The following LRRK2 variants were observed in gnomAD, a reference collection of about 807,000 sequenced individuals.
The protein encoded by LRRK2 is leucine-rich repeat serine/threonine-protein kinase 2.
In LRRK2, 203 loss-of-function variants were observed where a neutral mutation model predicts 302.6. That is an observed-to-expected ratio of 0.67 (90% CI 0.60 to 0.75). The LOEUF (loss-of-function observed/expected upper bound fraction) is 0.75, where lower values mean the gene tolerates loss of function less well. LRRK2 is among the 30% of genes least tolerant of loss of function. LRRK2 has a pLI of 0.00. For synonymous variants in LRRK2, 1,066 were observed against 1,031.9 expected (o/e 1.03, Z -0.63); for missense variants, 2,830 against 2,951.0 (o/e 0.96, Z 0.95).
chr12:40,337,558 A>T (rs2136946068), intron 40 of LRRK2, among the ~76,000 whole-genome samples: 1 of 152,256 alleles, frequency 6.6e-6, no homozygotes, highest in African/African-American at 2.4e-5. Flanking sequence ...CCCGAAAGCA[A>T]GTATGCATTT....
intron 5 of LRRK2, among the ~76,000 whole-genome samples, chr12:40,239,534 A>G (rs1941631257): frequency 6.6e-6 from 1 of 152,174 alleles, no homozygotes; most frequent in Non-Finnish European, 1.5e-5. Context: ...ATAGAATGTT[A>G]CAAAGAAGAA....
chr12:40,314,565 G>T (rs1016949731), intron 32 of LRRK2, among the ~76,000 whole-genome samples: 7 of 152,060 alleles, frequency 4.6e-5, no homozygotes, highest in Admixed American at 1.3e-4. Context: ...TGTTGGCATG[G>T]TCTAACTGGG....
At chr12:40,353,191 C>A (rs189538849) in intron 44 of LRRK2, among the ~76,000 whole-genome samples, 1 of 147,510 alleles carries the variant, frequency 6.8e-6, no homozygotes, top group South Asian at 2.2e-4. Context: ...TCCGACGGGG[C>A]GGCTGCTGGG....
chr12:40,347,017 C>A, intron 42 of LRRK2, 94 bp downstream of exon 42: 1 of 961,548 alleles, frequency 1.0e-6, no homozygotes, highest in Non-Finnish European at 1.5e-6. Context: ...ATTCCTTAAA[C>A]AGATGATCAT....
chr12:40,347,966 A>G (rs1251114482), intron 42 of LRRK2, among the ~76,000 whole-genome samples: 1 of 151,462 alleles, frequency 6.6e-6, no homozygotes, highest in Non-Finnish European at 1.5e-5. Context: ...TAAAAAAAAA[A>G]ATTCAGTTCT....
intron 3 of LRRK2, among the ~76,000 whole-genome samples, chr12:40,233,522 G>A (rs1464866803): frequency 6.6e-6 from 1 of 152,156 alleles, no homozygotes; most frequent in Non-Finnish European, 1.5e-5. Flanking sequence ...CATAAAGGGT[G>A]TGTTTTGGAA....
intron 22 of LRRK2, 125 bp downstream of exon 22, chr12:40,295,039 A>T: frequency 1.6e-6 from 1 of 637,286 alleles, no homozygotes; most frequent in East Asian, 2.7e-5. Context: ...CTTCATATAT[A>T]TTTACCTAAT....
At chr12:40,343,721 CA>C in intron 41 of LRRK2, among the ~76,000 whole-genome samples, 1 of 151,878 alleles carries the variant, frequency 6.6e-6, no homozygotes, top group Admixed American at 6.6e-5. Flanking sequence ...GATAATTATC[CA>C]AGGGGAAATT....
chr12:40,315,312 T>C lies in LRRK2; in HGVS notation c.4827+12T>C. The stretch of plus-strand genomic sequence containing the variant: ...AAATCATGGCACAGGTTGGTGTCTT[T>C]TATTTTTGTGGCACGGGGGTTATGG... On this transcript the variant is annotated intron_variant, in intron 33 of 50. Coordinates refer to ENST00000298910, the MANE Select transcript of LRRK2 (RefSeq NM_198578.4). 6.2e-7 allele frequency: 1 copy of C among 1,605,202 alleles called. No homozygotes were observed.
At chr12:40,252,814 C>G in intron 10 of LRRK2, 96 bp from the exon 11 acceptor site, 1 of 811,322 alleles carries the variant, frequency 1.2e-6, no homozygotes, top group East Asian at 2.6e-5. Context: ...TTTATATGCT[C>G]TTAATTGTTG....
chr12:40,237,704 T>C (rs1487832951), intron 4 of LRRK2, among the ~76,000 whole-genome samples: 2 of 152,178 alleles, frequency 1.3e-5, no homozygotes, highest in Admixed American at 1.3e-4. Flanking sequence ...GCAAGTTGTC[T>C]AGGCTAGAAG....
chr12:40,315,265 G>A lies in LRRK2; in HGVS notation c.4792G>A (p.Val1598Met), dbSNP rs1945176962. 3.7e-6 allele frequency: 6 copies of A among 1,612,722 alleles called. No homozygotes were observed. Among genetic ancestry groups the A allele is most frequent in the Non-Finnish European group, 5.1e-6 (6 of 1,178,946 alleles). Residue 1598 changes from valine (V) to methionine (M), a missense_variant, in exon 33 of 51, where the codon GTG becomes ATG. This residue lies in a region of LRRK2 where 2,121 missense variants were observed against 2,148.0 expected (regional missense o/e 0.99). Transcript: ENST00000298910. ...PALQLSDLYF[V>M]EPKWLCKIMA... ...ACTGCAGTTAAGTGACTTGTACTTT[G>A]TGGAACCCAAGTGGCTTTGTAAAAT...
intron 21 of LRRK2, 48 bp downstream of exon 21, chr12:40,293,711 A>G (rs1565720776): frequency 1.6e-6 from 2 of 1,262,388 alleles, no homozygotes; most frequent in East Asian, 4.7e-5. Flanking sequence ...TGCTGCTGAC[A>G]TTCTCTTGAT....
chr12:40,238,760 A>G (rs879343967), intron 5 of LRRK2, among the ~76,000 whole-genome samples: 1 of 152,154 alleles, frequency 6.6e-6, no homozygotes, highest in African/African-American at 2.4e-5. Context: ...TTTAGATAAG[A>G]ATGATTTATG....
At chr12:40,309,300 G>GTT in intron 30 of LRRK2, 67 bp downstream of exon 30, 3 of 1,558,416 alleles carry the variant, frequency 1.9e-6, no homozygotes, top group Non-Finnish European at 2.6e-6. Context: ...GTGTGTGTGT[G>GTT]TGTAAGTTAA....
At chr12:40,235,791 GTGTTTT>G in intron 4 of LRRK2, 77 bp downstream of exon 4, 1 of 462,940 alleles carries the variant, frequency 2.2e-6, no homozygotes, top group Non-Finnish European at 3.6e-6. Context: ...GTGTGTGTGT[GTGTTTT>G]TTTTTTTTTT....
intron 22 of LRRK2, 118 bp from the exon 23 acceptor site, chr12:40,295,309 A>G (rs1166241771): frequency 1.1e-5 from 10 of 916,496 alleles, no homozygotes; most frequent in Non-Finnish European, 1.7e-5. Context: ...TTGGTTTTCT[A>G]CTGAATCTTC....
intron 14 of LRRK2, among the ~76,000 whole-genome samples, chr12:40,268,155 A>G (rs1054155431): frequency 6.6e-6 from 1 of 152,168 alleles, no homozygotes; most frequent in Non-Finnish European, 1.5e-5. Flanking sequence ...TTCCAGAGAG[A>G]TATATTTGTT....
intron 2 of LRRK2, among the ~76,000 whole-genome samples, chr12:40,228,161 C>T (rs1940991328): frequency 6.6e-6 from 1 of 152,182 alleles, no homozygotes; most frequent in Admixed American, 6.5e-5. Flanking sequence ...TACCTCCATA[C>T]TGTGTTTCAT....
Sources: allele counts gnomAD v4.1 joint callset (sites outside exome capture counted in the v4.1 genomes callset), GRCh38; gene constraint gnomAD v4.1.1; regional missense constraint gnomAD v4.1.1; transcripts MANE v1.5; gene names NCBI Gene and HGNC (gene_info 2026-07-23, HGNC 2026-07-21).